The following DCP1A variants were observed in gnomAD, a reference collection of about 807,000 sequenced individuals.
DCP1A encodes decapping mRNA 1A.
A neutral mutation model predicts 58.0 loss-of-function variants in DCP1A; 20 were observed. The observed-to-expected ratio is 0.34, with a 90% CI of 0.24 to 0.50. DCP1A has a LOEUF of 0.50. Ranked by LOEUF, DCP1A falls within the 20% of genes least tolerant of loss-of-function variation. DCP1A has a pLI of 0.98. For synonymous variants in DCP1A, 285 were observed against 275.1 expected, an observed-to-expected ratio of 1.04 and a Z score of -0.36; for missense variants, 613 against 712.2, an observed-to-expected ratio of 0.86 and a Z score of 1.59.
intron 3 of DCP1A, among the ~76,000 whole-genome samples, chr3:53,332,904 T>A (rs1009164547): frequency 1.2e-4 from 18 of 152,110 alleles, no homozygotes; most frequent in South Asian, 4.1e-4. Context: ...ATTTCTACTC[T>A]TTATTTTCCT....
At position 53,347,489 on chromosome 3, in the gene DCP1A, T is replaced by C. The variant is rs782478831; in HGVS notation, c.29A>G (p.Glu10Gly). Residue 10 changes from glutamate to glycine, a missense_variant, in exon 1 of 10, where the codon GAG becomes GGG. Physicochemically the swap from Glu to Gly is moderately conservative, Grantham distance 98. Transcript: ENST00000610213. ...TTGCTTCAGGGCCGCTAGGCTCATCTCCTGCCCAGCTCGACTCAGCGCCTC... is the reference window on the plus strand; with the variant it reads ...TTGCTTCAGGGCCGCTAGGCTCATCCCCTGCCCAGCTCGACTCAGCGCCTC... MEALSRAGQ[E>G]MSLAALKQHD... 1.2e-6 allele frequency: 2 copies of C among 1,613,078 alleles called. No homozygotes were observed. The highest frequency in any genetic ancestry group is 2.2e-5 in the South Asian group (2 of 91,072).
chr3:53,315,365 C>T (rs1196343741), intron 4 of DCP1A, among the ~76,000 whole-genome samples: 2 of 151,886 alleles, frequency 1.3e-5, no homozygotes, highest in Admixed American at 6.6e-5. Flanking sequence ...TGGTGAAACC[C>T]TGTCTCTACT....
chr3:53,319,892 G>A (rs1233176322), intron 3 of DCP1A, among the ~76,000 whole-genome samples: 1 of 152,168 alleles, frequency 6.6e-6, no homozygotes, highest in African/African-American at 2.4e-5. Flanking sequence ...CACTTTGGGA[G>A]GCTGAGGTGG....
Position 53,292,331 on chromosome 3 carries a change from G to A in DCP1A, c.1121C>T (p.Pro374Leu). ...CGTCACGTTCAATGGGGCCCTGAAG[G>A]GGCTCTGGTTGGCAATCAGACTGGC... ...SHASLIANQS[P>L]FRAPLNVTNT... The change falls in exon 7 of 10, where the codon CCC becomes CTC. Residue 374 changes from proline (P) to leucine (L), a missense_variant. This residue lies in a region of DCP1A where 498 missense variants were observed against 556.7 expected (regional missense o/e 0.89). Coordinates refer to ENST00000610213, the MANE Select transcript of DCP1A (RefSeq NM_018403.7). The A allele has an allele frequency of 6.2e-7, 1 of 1,612,770 alleles. No individual in the cohort carries two copies. Among genetic ancestry groups the A allele is most frequent in the Non-Finnish European group, 8.5e-7 (1 of 1,178,896 alleles).
At chr3:53,338,102 T>C in intron 3 of DCP1A, 1 of 427,322 alleles carries the variant, frequency 2.3e-6, no homozygotes. Context: ...TTTGCGAATC[T>C]CGAGCAGATT....
intron 4 of DCP1A, among the ~76,000 whole-genome samples, chr3:53,317,050 G>A (rs1408384006): frequency 5.9e-5 from 9 of 152,126 alleles, no homozygotes; most frequent in South Asian, 2.1e-4. Context: ...CAAAGCCCAC[G>A]TCCTCATTCT....
At chr3:53,322,840 G>A (rs1708007197) in intron 3 of DCP1A, among the ~76,000 whole-genome samples, 1 of 148,770 alleles carries the variant, frequency 6.7e-6, no homozygotes, top group African/African-American at 2.5e-5. Flanking sequence ...GAGAGATGGA[G>A]TCTCACTGTC....
intron 3 of DCP1A, among the ~76,000 whole-genome samples, chr3:53,320,681 T>C (rs1234647372): frequency 6.6e-6 from 1 of 152,166 alleles, no homozygotes; most frequent in African/African-American, 2.4e-5. Context: ...TGGTATACTA[T>C]CACAGCCAGG....
Position 53,312,242 on chromosome 3 carries a change from C to G in DCP1A, c.509G>C (p.Arg170Thr). The part of the protein sequence containing the change: ...MLSRAKDEYE[R>T]NQMGDSNISS... ...ACCCAAGTACCCAGAGAGCCTCACC[C>G]TCTCATACTCATCCTTGGCTCTGCT... The change falls in exon 5 of 10, where the codon AGG becomes ACG. Residue 170 changes from arginine to threonine, a missense_variant and splice_region_variant. Arg to Thr is a moderately conservative substitution (Grantham distance 71). Coordinates refer to ENST00000610213, the MANE Select transcript of DCP1A (RefSeq NM_018403.7). 6.2e-7 allele frequency: 1 copy of G among 1,600,568 alleles called. No individual in the cohort carries two copies. Among genetic ancestry groups the G allele is most frequent in the Non-Finnish European group, 8.5e-7 (1 of 1,174,010 alleles).
chr3:53,304,359 G>A (rs1707404461), intron 5 of DCP1A, 69 bp from the exon 6 acceptor site: 1 of 1,027,146 alleles, frequency 9.7e-7, no homozygotes, highest in East Asian at 2.4e-5. Flanking sequence ...TCACAAAACA[G>A]CATCTGAGGT....
At chr3:53,319,816 T>C (rs1439656656) in intron 3 of DCP1A, among the ~76,000 whole-genome samples, 1 of 152,214 alleles carries the variant, frequency 6.6e-6, no homozygotes, top group Non-Finnish European at 1.5e-5. Flanking sequence ...ATATTGATTC[T>C]AAGATGCATT....
intron 4 of DCP1A, among the ~76,000 whole-genome samples, chr3:53,317,833 G>A (rs1170639636): frequency 6.6e-6 from 1 of 152,080 alleles, no homozygotes; most frequent in African/African-American, 2.4e-5. Context: ...ATGCCCTTGG[G>A]GTGTACACAA....
chr3:53,301,293 CAGGG>C (rs1707305238), intron 6 of DCP1A, among the ~76,000 whole-genome samples: 1 of 151,010 alleles, frequency 6.6e-6, no homozygotes, highest in South Asian at 2.1e-4. Context: ...TTTTTTGAGA[CAGGG>C]TTTTGCTCTT....
intron 4 of DCP1A, 38 bp from the exon 5 acceptor site, chr3:53,312,417 A>C: frequency 6.6e-7 from 1 of 1,511,852 alleles, no homozygotes; most frequent in Non-Finnish European, 8.9e-7. Context: ...AGGCCTCTTG[A>C]AACAAAATCT....
intron 3 of DCP1A, chr3:53,329,174 G>A (rs958377367): frequency 2.0e-5 from 8 of 393,330 alleles, no homozygotes; most frequent in African/African-American, 1.4e-4. Flanking sequence ...AATGCCAACA[G>A]CCACCTACCA....
In DCP1A at chr3:53,287,634, A is replaced by C; in HGVS notation, c.1695T>G (p.Leu565=). ...TCAGAACCTGCAAGTAGACTTCATGAAGTGTACTGAGGAAGCTGGAATCAT... is the reference window on the plus strand; with the variant it reads ...TCAGAACCTGCAAGTAGACTTCATGCAGTGTACTGAGGAAGCTGGAATCAT... ...IKNDSSFLST[L]HEVYLQVLTK... Residue 565 remains leucine (L), a synonymous_variant, in exon 10 of 10, where the codon CTT becomes CTG. Coordinates refer to ENST00000610213, the MANE Select transcript of DCP1A (RefSeq NM_018403.7). 6.2e-7 allele frequency: 1 copy of C among 1,612,174 alleles called. No individual in the cohort carries two copies. Among genetic ancestry groups the C allele is most frequent in the Non-Finnish European group, 8.5e-7 (1 of 1,178,286 alleles).
intron 4 of DCP1A, among the ~76,000 whole-genome samples, chr3:53,316,387 A>T (rs1424244618): frequency 6.6e-6 from 1 of 152,128 alleles, no homozygotes; most frequent in Non-Finnish European, 1.5e-5. Flanking sequence ...AATAGGCCAG[A>T]CACTTAAAAC....
In DCP1A at chr3:53,292,599, G is replaced by T. The variant is rs1706945348; in HGVS notation, c.853C>A (p.Gln285Lys). Residue 285 changes from glutamine (Q) to lysine (K), a missense_variant, in exon 7 of 10, where the codon CAG (glutamine) becomes AAG (lysine). Physicochemically the swap from Gln to Lys is moderately conservative, Grantham distance 53 (BLOSUM62 1). This residue lies in a region of DCP1A where 498 missense variants were observed against 556.7 expected (regional missense o/e 0.89). Coordinates refer to ENST00000610213, the MANE Select transcript of DCP1A (RefSeq NM_018403.7). ...GVPSAAHHSV[Q>K]PEITTPVLIT... ...AGCACCGGGGTGGTGATTTCAGGCT[G>T]GACTGAATGGTGGGCAGCAGAAGGG... The T allele has an allele frequency of 1.2e-6, 2 of 1,613,816 alleles. No individual in the cohort carries two copies. The highest frequency in any genetic ancestry group is 1.7e-6 in the Non-Finnish European group (2 of 1,179,840).
chr3:53,339,230 A>G (rs2106893128), intron 3 of DCP1A, among the ~76,000 whole-genome samples: 1 of 152,188 alleles, frequency 6.6e-6, no homozygotes, highest in East Asian at 1.9e-4. Flanking sequence ...TCACAAAATC[A>G]TTTTCTGTTG....
Sources: allele counts gnomAD v4.1 joint callset (sites outside exome capture counted in the v4.1 genomes callset), GRCh38; gene constraint gnomAD v4.1.1; regional missense constraint gnomAD v4.1.1; transcripts MANE v1.5; gene names NCBI Gene and HGNC (gene_info 2026-07-23, HGNC 2026-07-21).